The following CACNA1C variants were observed in gnomAD, a reference collection of about 807,000 sequenced individuals.
The protein encoded by CACNA1C is calcium voltage-gated channel subunit alpha1 C.
In CACNA1C, 30 loss-of-function variants were observed where a neutral mutation model predicts 229.0. The observed-to-expected ratio is 0.13, with a 90% CI of 0.10 to 0.18. The LOEUF (loss-of-function observed/expected upper bound fraction) is 0.18. CACNA1C is among the 10% of genes least tolerant of loss of function. The probability of loss-of-function intolerance (pLI) is 1.00; values close to 1 mark genes in which losing one functional copy is unlikely to be tolerated. For synonymous variants in CACNA1C, 1,114 were observed against 1,132.5 expected (o/e 0.98, Z 0.33); for missense variants, 1,658 against 2,845.0 (o/e 0.58, Z 9.49).
intron 18 of CACNA1C, 76 bp from the exon 19 acceptor site, chr12:2,593,137 A>G: frequency 2.7e-6 from 4 of 1,494,050 alleles, no homozygotes; most frequent in Non-Finnish European, 3.7e-6. Context: ...CATGTCTGCC[A>G]GTAGGAAGGT....
At chr12:2,233,607 G>C (rs2066162889) in intron 3 of CACNA1C, among the ~76,000 whole-genome samples, 2 of 152,162 alleles carry the variant, frequency 1.3e-5, no homozygotes, top group South Asian at 4.1e-4. Context: ...ACCATTCCCT[G>C]TCCCAGTAGC....
At chr12:2,219,753 A>G (rs1422383237) in intron 3 of CACNA1C, among the ~76,000 whole-genome samples, 1 of 152,194 alleles carries the variant, frequency 6.6e-6, no homozygotes, top group African/African-American at 2.4e-5. Context: ...ACTTGCTTTC[A>G]CGAACACTGA....
intron 29 of CACNA1C, among the ~76,000 whole-genome samples, chr12:2,618,688 C>G (rs955843823): frequency 6.6e-6 from 1 of 152,250 alleles, no homozygotes; most frequent in African/African-American, 2.4e-5. Flanking sequence ...CCGATGTCCA[C>G]AGACTCTTCC....
At chr12:2,297,259 T>C (rs2094130235) in intron 3 of CACNA1C, among the ~76,000 whole-genome samples, 1 of 152,204 alleles carries the variant, frequency 6.6e-6, no homozygotes, top group Admixed American at 6.5e-5. Flanking sequence ...GCTGTGTTAG[T>C]GACAGCAGCA....
chr12:2,574,648 G>C (rs939529140), intron 13 of CACNA1C, among the ~76,000 whole-genome samples: 2 of 152,186 alleles, frequency 1.3e-5, no homozygotes, highest in Non-Finnish European at 2.9e-5. Context: ...TCCCAGGCTC[G>C]AAATGTCTCC....
chr12:2,127,309 A>G (rs1005938057), intron 3 of CACNA1C, among the ~76,000 whole-genome samples: 7 of 152,172 alleles, frequency 4.6e-5, no homozygotes, highest in Non-Finnish European at 7.3e-5. Context: ...GTGAATGGAA[A>G]TGCCACTTTG....
At chr12:2,576,594 C>G (rs369384644) in intron 13 of CACNA1C, among the ~76,000 whole-genome samples, 1 of 152,014 alleles carries the variant, frequency 6.6e-6, no homozygotes, top group African/African-American at 2.4e-5. Context: ...GCCATTAACC[C>G]CTCTAGTTTA....
At chr12:2,457,527 A>T (rs767309500) in intron 4 of CACNA1C, 40 bp from the exon 5 acceptor site, 2 of 1,589,692 alleles carry the variant, frequency 1.3e-6, no homozygotes, top group Admixed American at 1.8e-5. Context: ...GCAAAAGAAA[A>T]CCCAGTCCTG....
intron 9 of CACNA1C, among the ~76,000 whole-genome samples, chr12:2,532,466 C>G (rs1237778194): frequency 2.6e-5 from 4 of 152,246 alleles, no homozygotes. Flanking sequence ...TGTCTCCTCT[C>G]TGCTTTCCCC....
chr12:2,061,622 C>G (rs1399043080), intron 1 of CACNA1C, among the ~76,000 whole-genome samples: 1 of 152,058 alleles, frequency 6.6e-6, no homozygotes, highest in Non-Finnish European at 1.5e-5. Context: ...AGCTGTCCAC[C>G]TGCCATGCTG....
chr12:2,447,385 T>C (rs2099308923), intron 3 of CACNA1C, among the ~76,000 whole-genome samples: 1 of 152,158 alleles, frequency 6.6e-6, no homozygotes, highest in Non-Finnish European at 1.5e-5. Flanking sequence ...CCTGCACTCC[T>C]TTCCCACGCC....
chr12:2,347,528 T>A (rs2097079544), intron 3 of CACNA1C, among the ~76,000 whole-genome samples: 1 of 152,330 alleles, frequency 6.6e-6, no homozygotes, highest in Admixed American at 6.5e-5. Flanking sequence ...GTTGGCAGGC[T>A]CTAGGCCTGA....
intron 30 of CACNA1C, among the ~76,000 whole-genome samples, chr12:2,635,039 A>G (rs1364834258): frequency 2.0e-5 from 3 of 152,056 alleles, no homozygotes; most frequent in Non-Finnish European, 4.4e-5. Context: ...GTCATGTCTG[A>G]ACTCTTCTCT....
chr12:2,523,159 G>T (rs1215410081), intron 9 of CACNA1C, among the ~76,000 whole-genome samples: 1 of 151,372 alleles, frequency 6.6e-6, no homozygotes, highest in African/African-American at 2.4e-5. Context: ...GGGGGCGGTG[G>T]TGCTGGTAGT....
chr12:2,559,771 C>A (rs1413771819), intron 11 of CACNA1C, among the ~76,000 whole-genome samples: 2 of 152,134 alleles, frequency 1.3e-5, no homozygotes, highest in African/African-American at 2.4e-5. Flanking sequence ...AATAGTAAAC[C>A]CTGTTCCTGT....
chr12:2,295,785 C>G lies in CACNA1C; in HGVS notation c.478-153191C>G, dbSNP rs114027368. On this transcript the variant is annotated intron_variant, in intron 3 of 46. Coordinates refer to ENST00000399655, the MANE Select transcript of CACNA1C (RefSeq NM_000719.7). ...CAGGTAAGAAGTGACATACCTTGAC[C>G]AAGGTCATGTGGCTAGTAAGTGGCA... Among the ~76,000 whole-genome samples, 1,276 of 152,310 alleles carry G rather than the reference C, an allele frequency of 8.4e-3. 14 individuals carry two copies. Among genetic ancestry groups the G allele is most frequent in the African/African-American group, 0.029 (1,220 of 41,570 alleles).
At chr12:2,603,932 C>G (rs1037180634) in intron 22 of CACNA1C, among the ~76,000 whole-genome samples, 2 of 152,212 alleles carry the variant, frequency 1.3e-5, no homozygotes, top group African/African-American at 4.8e-5. Context: ...TGTGATTGGA[C>G]AAGAAGCGTA....
Position 2,067,482 on chromosome 12 carries a change from G to GTGTGTGTGTGTGTGCA in CACNA1C, c.49+13871_49+13872insTGTGTGTGTGTGTGCA, listed in dbSNP as rs1555107491. ...TGTGTGTGTGTGTGTGTGTGTGTGT[G>GTGTGTGTGTGTGTGCA]CGCGCGTGTGCGTGCCTGTATGTAA... On this transcript the variant is annotated intron_variant, in intron 1 of 46. Transcript: ENST00000399655. This position sits in a 1 kb window ranked among gnomAD's most constrained non-coding sequence, Gnocchi z 5.3. Among the ~76,000 whole-genome samples the GTGTGTGTGTGTGTGCA allele has an allele frequency of 5.8e-3, 100 of 17,356 alleles. No individual in the cohort carries two copies. Among genetic ancestry groups the GTGTGTGTGTGTGTGCA allele is most frequent in the African/African-American group, 7.5e-3 (96 of 12,866 alleles). The allele number at this position is 17,356 out of a possible 152,430, so 11.4% of individuals were successfully genotyped here. A position where few individuals can be genotyped will look rare whatever the true frequency, so the allele number is the denominator to read the frequency against.
At chr12:2,073,242 C>A (rs1002663324) in intron 1 of CACNA1C, among the ~76,000 whole-genome samples, 5 of 152,178 alleles carry the variant, frequency 3.3e-5, no homozygotes, top group African/African-American at 9.7e-5. Context: ...ATAAGGGGGT[C>A]AAATACAGGA....
Sources: gnomAD v4.1 joint callset for allele counts (sites outside exome capture counted in the v4.1 genomes callset) on GRCh38, gnomAD v4.1.1 for gene constraint, Gnocchi (gnomAD v3.1) non-coding constraint, MANE v1.5 for transcripts, NCBI Gene and HGNC (gene_info 2026-07-23, HGNC 2026-07-21) for gene names.